The following ZNF530 variants were observed in gnomAD, a reference collection of about 807,000 sequenced individuals.
The protein encoded by ZNF530 is zinc finger protein 530.
ZNF530 carries 5 observed loss-of-function variants against 2.8 expected under a neutral mutation model. The observed-to-expected ratio is 1.80, with a 90% confidence interval of 0.94 to 3.78. The LOEUF is 3.78. Among genes scored for constraint, ZNF530 ranks in the 30% most tolerant of loss-of-function variants. ZNF530 has a pLI of 0.00. For synonymous variants in ZNF530, 229 were observed against 235.0 expected (o/e 0.97, Z 0.23); for missense variants, 619 against 673.3 (o/e 0.92, Z 0.89).
chr19:57,600,155 G>T, intron 1 of ZNF530, 21 bp downstream of exon 1: 1 of 1,563,300 alleles, frequency 6.4e-7, no homozygotes, highest in South Asian at 1.2e-5. Context: ...CGTCCTCCCG[G>T]CCTCCTCTGC....
Position 57,605,789 on chromosome 19 carries a change from T to C in ZNF530, c.165T>C (p.Asp55=), listed in dbSNP as rs2123460667. 1 of 1,614,176 alleles carries C rather than the reference T, an allele frequency of 6.2e-7. No homozygotes were observed. The highest frequency in any genetic ancestry group is 8.5e-7 in the Non-Finnish European group (1 of 1,180,034). ...CTCCAAAGGCAGATACATCCACTGA[T>C]AAGAGTCACCCCTGTGAGATTTGTA... ...GRTPKADTST[D]KSHPCEICTP... is the part of the protein sequence containing the mutation. Residue 55 remains aspartate (D), a synonymous_variant, in exon 4 of 4, where the codon GAT becomes GAC. Transcript: ENST00000597700.
chr19:57,610,029 G>A lies in ZNF530; in HGVS notation c.*2704G>A, dbSNP rs1980811258. ...TTTTGAAGTGTCAATGACCAAGATTGTTATTGCATCCATTAAAAAAAAATC... is the reference window on the plus strand; with the variant it reads ...TTTTGAAGTGTCAATGACCAAGATTATTATTGCATCCATTAAAAAAAAATC... On this transcript the variant is annotated 3_prime_UTR_variant, in exon 4 of 4. Coordinates refer to ENST00000597700, the MANE Select transcript of ZNF530 (RefSeq NM_001321981.2). Among the ~76,000 whole-genome samples the A allele has an allele frequency of 6.6e-6, 1 of 151,944 alleles. No individual in the cohort carries two copies. The highest frequency in any genetic ancestry group is 6.6e-5 in the Admixed American group (1 of 15,250).
At position 57,606,387 on chromosome 19, in the gene ZNF530, G is replaced by C. The variant is rs917365206; in HGVS notation, c.763G>C (p.Val255Leu). The C allele has an allele frequency of 1.9e-6, 3 of 1,613,964 alleles. No individual in the cohort carries two copies. In the East Asian group the frequency reaches 6.7e-5, roughly 36 times the overall value. The change falls in exon 4 of 4, where the codon GTT becomes CTT. Residue 255 changes from valine (V) to leucine (L), a missense_variant. By Grantham distance (32) the Val-to-Leu change is conservative. Transcript: ENST00000597700. ...RKTHLTQHQR[V>L]HTGERPYDCS... ...AACTCACCTAACTCAACACCAAAGA[G>C]TTCACACTGGAGAAAGGCCTTATGA...
chr19:57,604,824 A>AT (rs1222480031), intron 3 of ZNF530: 1 of 165,848 alleles, frequency 6.0e-6, no homozygotes, highest in Non-Finnish European at 1.3e-5. Flanking sequence ...CACCTGAAAG[A>AT]TTTTCTTGTA....
chr19:57,607,281 C>G lies in ZNF530; in HGVS notation c.1657C>G (p.Gln553Glu), dbSNP rs776560737. The change falls in exon 4 of 4, where the codon CAA becomes GAA. Residue 553 changes from glutamine (Q) to glutamate (E), a missense_variant. Physicochemically the swap from Gln to Glu is conservative, Grantham distance 29. Transcript: ENST00000597700. ...CAGTGAATGTGGAAAATCCTTTAGC[C>G]AAAGCTCTGGCCTCTTAAGACACAG... The part of the protein sequence containing the change: ...ECSECGKSFS[Q>E]SSGLLRHRRV... The G allele has an allele frequency of 3.1e-6, 5 of 1,613,506 alleles. No homozygotes were observed. Among genetic ancestry groups the G allele is most frequent in the East Asian group, 2.2e-5 (1 of 44,856 alleles).
intron 2 of ZNF530, among the ~76,000 whole-genome samples, chr19:57,603,440 T>C (rs568081857): frequency 1.1e-4 from 16 of 152,344 alleles, no homozygotes; most frequent in South Asian, 2.1e-4. Context: ...CAGGATCTTA[T>C]GACTGGCTCC....
In ZNF530 at chr19:57,605,691, T is replaced by C; in HGVS notation, c.67T>C (p.Trp23Arg). 1 of 1,588,604 alleles carries C rather than the reference T, an allele frequency of 6.3e-7. No individual in the cohort carries two copies. Among genetic ancestry groups the C allele is most frequent in the South Asian group, 1.1e-5 (1 of 87,984 alleles). The part of the protein sequence containing the change: ...NFAVMASLGC[W>R]CGAVDEGTPS... ...CAGCATTTCTCTTCTTTCAGGTTGCTGGTGTGGAGCAGTAGATGAGGGGAC... is the reference window on the plus strand; with the variant it reads ...CAGCATTTCTCTTCTTTCAGGTTGCCGGTGTGGAGCAGTAGATGAGGGGAC... The change falls in exon 4 of 4, where the codon TGG (tryptophan) becomes CGG (arginine). Residue 23 changes from tryptophan (W) to arginine (R), a missense_variant. By Grantham distance (101) the Trp-to-Arg change is moderately radical. Coordinates refer to ENST00000597700, the MANE Select transcript of ZNF530 (RefSeq NM_001321981.2).
At position 57,600,741 on chromosome 19, in the gene ZNF530, C is replaced by T. The variant is rs1203610741; in HGVS notation, c.-108C>T. ...TTCCTCCCACAGATTGCCACTAGTA[C>T]TTACAGGTCCGTAAGAAGCACTTGA... On this transcript the variant is annotated 5_prime_UTR_variant, in exon 2 of 4. Coordinates refer to ENST00000597700, the MANE Select transcript of ZNF530 (RefSeq NM_001321981.2). 6.6e-6 allele frequency: 1 copy of T among 152,280 alleles called. No individual in the cohort carries two copies. The highest frequency in any genetic ancestry group is 1.5e-5 in the Non-Finnish European group (1 of 68,092). 9.4% of individuals were successfully genotyped at this position (152,280 alleles called of 1,614,324 possible). A position where few individuals can be genotyped will look rare whatever the true frequency, so the allele number is the denominator to read the frequency against.
chr19:57,601,488 C>T (rs919052744), intron 2 of ZNF530, among the ~76,000 whole-genome samples: 2 of 152,140 alleles, frequency 1.3e-5, no homozygotes, highest in Non-Finnish European at 2.9e-5. Flanking sequence ...TTGTTTTTCA[C>T]TCAGGACATC....
chr19:57,605,599 C>G (rs1211204458), intron 3 of ZNF530, 87 bp from the exon 4 acceptor site: 3 of 1,362,076 alleles, frequency 2.2e-6, no homozygotes, highest in African/African-American at 2.9e-5. Flanking sequence ...AAAACATTTT[C>G]TTAGACTCAT....
chr19:57,606,637 G>C lies in ZNF530; in HGVS notation c.1013G>C (p.Arg338Thr), dbSNP rs201255656. 8 of 1,614,094 alleles carry C rather than the reference G, an allele frequency of 5.0e-6. No homozygotes were observed. In the South Asian group the frequency reaches 6.6e-5, roughly 13 times the overall value. Reference sequence around the variant, plus strand: ...AGCACTAACCTCTTTCGACACTGGAGAGTTCACACTGGAGTAAGGCCTTAT... The same window carrying C: ...AGCACTAACCTCTTTCGACACTGGACAGTTCACACTGGAGTAAGGCCTTAT... ...SHSTNLFRHW[R>T]VHTGVRPYEC... The change falls in exon 4 of 4, where the codon AGA becomes ACA. Residue 338 changes from arginine (R) to threonine (T), a missense_variant. By Grantham distance (71) the Arg-to-Thr change is moderately conservative. Coordinates refer to ENST00000597700, the MANE Select transcript of ZNF530 (RefSeq NM_001321981.2).
intron 2 of ZNF530, among the ~76,000 whole-genome samples, chr19:57,602,403 T>C (rs2023807): frequency 0.76 from 115,647 of 152,132 alleles, 44,250 homozygotes; most frequent in Middle Eastern, 0.84. Context: ...AGTGCTTCAA[T>C]GTAAGCATTT....
rs1437578222 is a variant in ZNF530, at chr19:57,606,531, A to G, written c.907A>G (p.Thr303Ala). Residue 303 changes from threonine to alanine, a missense_variant, in exon 4 of 4, where the codon ACT becomes GCT. Thr to Ala is a moderately conservative substitution (Grantham distance 58, BLOSUM62 0). Transcript: ENST00000597700. ...ATGTGGGAAATCTTTTAGCCACAGC[A>G]CTAACCTCTATCGTCACAGGAGTGC... ...SECGKSFSHS[T>A]NLYRHRSAHT... is the part of the protein sequence containing the mutation. 2 of 1,611,032 alleles carry G rather than the reference A, an allele frequency of 1.2e-6. No homozygotes were observed. Among genetic ancestry groups the G allele is most frequent in the African/African-American group, 1.4e-5 (1 of 73,888 alleles).
Position 57,606,288 on chromosome 19 carries a change from C to G in ZNF530, c.664C>G (p.Leu222Val), listed in dbSNP as rs756505659. 4.3e-5 allele frequency: 70 copies of G among 1,611,496 alleles called. No homozygotes were observed. Among genetic ancestry groups the G allele is most frequent in the Non-Finnish European group, 5.9e-5 (70 of 1,179,360 alleles). The change falls in exon 4 of 4, where the codon CTT becomes GTT. Residue 222 changes from leucine (L) to valine (V), a missense_variant. Transcript: ENST00000597700. Reference sequence around the variant, plus strand: ...ATCCTTTAGTCAAAGTTCTGGCTTTCTTCGACACAGGAAAGCACACGGTAG... The same window carrying G: ...ATCCTTTAGTCAAAGTTCTGGCTTTGTTCGACACAGGAAAGCACACGGTAG... ...GKSFSQSSGF[L>V]RHRKAHGRTR... is the part of the protein sequence containing the mutation.
rs1488600265 is a variant in ZNF530 at position 57,607,199 on chromosome 19, C to A, written c.1575C>A (p.Arg525=). 3 of 1,613,120 alleles carry A rather than the reference C, an allele frequency of 1.9e-6. No individual in the cohort carries two copies. Among genetic ancestry groups the A allele is most frequent in the Non-Finnish European group, 2.5e-6 (3 of 1,179,840 alleles). Residue 525 remains arginine (R), a synonymous_variant, in exon 4 of 4, where the codon CGC becomes CGA. Coordinates refer to ENST00000597700, the MANE Select transcript of ZNF530 (RefSeq NM_001321981.2). ...GAGAATGTGGGAAATCTTTTACCCGCAAAAATCACCTCATTCAACACAAGA... is the reference window on the plus strand; with the variant it reads ...GAGAATGTGGGAAATCTTTTACCCGAAAAAATCACCTCATTCAACACAAGA... ...ECRECGKSFT[R]KNHLIQHKTV...
At chr19:57,600,936 G>A (rs778364466) in intron 2 of ZNF530, among the ~76,000 whole-genome samples, 157 bp downstream of exon 2, 4 of 152,206 alleles carry the variant, frequency 2.6e-5, no homozygotes, top group Non-Finnish European at 5.9e-5. Context: ...ATATGAGGTG[G>A]TGCCTGTTGC....
rs1314306816 is a variant in ZNF530 at position 57,607,988 on chromosome 19, G to A, written c.*663G>A. The A allele has an allele frequency of 1.3e-5, 2 of 152,628 alleles. No individual in the cohort carries two copies. Among genetic ancestry groups the A allele is most frequent in the Non-Finnish European group, 2.9e-5 (2 of 68,432 alleles). The allele number at this position is 152,628 out of a possible 1,614,324, so 9.5% of individuals were successfully genotyped here. On this transcript the variant is annotated 3_prime_UTR_variant, in exon 4 of 4. Transcript: ENST00000597700. The stretch of plus-strand genomic sequence containing the variant: ...CAGTCACCACCCCAACATGCTCAGG[G>A]AGGCAGAGTTCTTCCATTAGTTGGA...
intron 3 of ZNF530, chr19:57,605,083 A>G (rs913105801): frequency 1.3e-5 from 2 of 153,222 alleles, no homozygotes; most frequent in Admixed American, 6.5e-5. Flanking sequence ...TAATCACACC[A>G]TAAACCTGTC....
chr19:57,600,959 G>A (rs1980205962), intron 2 of ZNF530, among the ~76,000 whole-genome samples, 180 bp downstream of exon 2: 1 of 152,190 alleles, frequency 6.6e-6, no homozygotes, highest in Admixed American at 6.5e-5. Flanking sequence ...GCAAATAATA[G>A]GATGAATGTG....
Sources: allele counts gnomAD v4.1 joint callset (sites outside exome capture counted in the v4.1 genomes callset), GRCh38; gene constraint gnomAD v4.1.1; transcripts MANE v1.5; gene names NCBI Gene and HGNC (gene_info 2026-07-23, HGNC 2026-07-21).